KLF12: variants seen among roughly 807,000 people sequenced by gnomAD.
KLF12 encodes the protein Krueppel-like factor 12.
In KLF12, 9 loss-of-function variants were observed where a neutral mutation model predicts 37.8. The observed-to-expected ratio is 0.24, with a 90% CI of 0.14 to 0.42. KLF12 has a LOEUF of 0.42. Ranked by LOEUF, KLF12 falls within the 10% of genes least tolerant of loss-of-function variation. The pLI is 1.00. For missense variants in KLF12, 411 were observed against 516.0 expected (o/e 0.80, Z 1.97); for synonymous variants, 208 against 202.1 (o/e 1.03, Z -0.25).
rs780558960 is a variant in KLF12, at chr13:74,065,841, T to C, written c.-32+67898A>G. Among the ~76,000 whole-genome samples the C allele has an allele frequency of 3.8e-4, 58 of 152,008 alleles. 1 individual carries two copies. Among genetic ancestry groups the C allele is most frequent in the Admixed American group, 6.5e-5 (1 of 15,274 alleles). ...GAACGATCTCTCTAGACATGTGACATGAGGATTCTAACTGGAGTTAGAATC... is the reference window on the plus strand; with the variant it reads ...GAACGATCTCTCTAGACATGTGACACGAGGATTCTAACTGGAGTTAGAATC... On this transcript the variant is annotated intron_variant, in intron 1 of 7. Coordinates refer to ENST00000377669, the MANE Select transcript of KLF12 (RefSeq NM_007249.5).
At chr13:74,131,028 G>C (rs1200189824) in intron 1 of KLF12, among the ~76,000 whole-genome samples, 1 of 152,130 alleles carries the variant, frequency 6.6e-6, no homozygotes, top group African/African-American at 2.4e-5. Flanking sequence ...GCCTTCACTG[G>C]GTAAGGTTAC....
chr13:74,271,766 T>TG, the KLF12 span, among the ~76,000 whole-genome samples: 2 of 152,166 alleles, frequency 1.3e-5, no homozygotes, highest in African/African-American at 4.8e-5. Context: ...AAGTCAGGTA[T>TG]GGTATACACA....
At chr13:73,764,539 C>T (rs1024312167) in intron 6 of KLF12, among the ~76,000 whole-genome samples, 11 of 151,566 alleles carry the variant, frequency 7.3e-5, no homozygotes, top group Admixed American at 2.6e-4. Flanking sequence ...TCACTGAGTT[C>T]GTTGTAATCC....
At chr13:73,781,811 C>T (rs1880984260) in intron 5 of KLF12, among the ~76,000 whole-genome samples, 1 of 151,748 alleles carries the variant, frequency 6.6e-6, no homozygotes, top group South Asian at 2.1e-4. Context: ...CTGCCTATTA[C>T]CAAGCAGTAA....
intron 1 of KLF12, among the ~76,000 whole-genome samples, chr13:74,037,336 G>A (rs1032957033): frequency 6.6e-6 from 1 of 151,374 alleles, no homozygotes; most frequent in African/African-American, 2.4e-5. Context: ...ATGGATCACT[G>A]TATCTGCAAC....
chr13:73,962,335 A>G (rs1392060743), intron 2 of KLF12, among the ~76,000 whole-genome samples: 2 of 152,232 alleles, frequency 1.3e-5, no homozygotes, highest in Non-Finnish European at 2.9e-5. Context: ...AAGGGGAAGG[A>G]AAAGATAAAC....
the KLF12 span, among the ~76,000 whole-genome samples, chr13:74,198,648 T>C: frequency 1.3e-5 from 2 of 152,230 alleles, no homozygotes; most frequent in African/African-American, 2.4e-5. Flanking sequence ...TTGTTTCTAG[T>C]ATTTTTTATT....
At chr13:73,960,619 T>C (rs1359976790) in intron 2 of KLF12, among the ~76,000 whole-genome samples, 1 of 152,160 alleles carries the variant, frequency 6.6e-6, no homozygotes, top group Non-Finnish European at 1.5e-5. Flanking sequence ...CACTGTCCCA[T>C]ATATACTCAT....
chr13:73,767,451 C>A (rs1307494264), intron 5 of KLF12, among the ~76,000 whole-genome samples: 1 of 152,156 alleles, frequency 6.6e-6, no homozygotes, highest in African/African-American at 2.4e-5. Context: ...GGGGTTCAGG[C>A]CTTAGTACTA....
At chr13:74,083,753 C>T (rs974962571) in intron 1 of KLF12, among the ~76,000 whole-genome samples, 1 of 152,030 alleles carries the variant, frequency 6.6e-6, no homozygotes. Context: ...ATAGGTTCAA[C>T]GGTTTGTATA....
intron 3 of KLF12, among the ~76,000 whole-genome samples, chr13:73,868,590 C>T (rs1474060862): frequency 2.0e-5 from 3 of 151,950 alleles, no homozygotes; most frequent in Admixed American, 6.6e-5. Flanking sequence ...GGGGTTTCAC[C>T]ATATTGGCCA....
the KLF12 span, among the ~76,000 whole-genome samples, chr13:74,290,434 A>G: frequency 3.3e-5 from 5 of 152,240 alleles, no homozygotes; most frequent in South Asian, 1.0e-3. Context: ...AGAGCACATC[A>G]CCTTCAGGGA....
intron 3 of KLF12, among the ~76,000 whole-genome samples, chr13:73,847,979 T>C (rs1019177491): frequency 6.6e-6 from 1 of 152,204 alleles, no homozygotes; most frequent in African/African-American, 2.4e-5. Flanking sequence ...TATACCCACA[T>C]AGAAATTCTT....
intron 1 of KLF12, among the ~76,000 whole-genome samples, chr13:74,021,462 G>T (rs543513903): frequency 6.6e-6 from 1 of 152,236 alleles, no homozygotes; most frequent in African/African-American, 2.4e-5. Flanking sequence ...TGACGCAGGG[G>T]ATTCTGTAAA....
intron 3 of KLF12, among the ~76,000 whole-genome samples, chr13:73,867,323 A>G (rs1269925796): frequency 2.0e-5 from 3 of 152,056 alleles, no homozygotes; most frequent in Non-Finnish European, 4.4e-5. Flanking sequence ...AAGCTAGAAT[A>G]ATTACTAGAA....
rs74098406 is a variant in KLF12, at chr13:73,802,071, A to G, written c.806+11081T>C. 1.9e-3 allele frequency: 295 copies of G among 152,288 alleles called. 4 individuals are homozygous for G. The highest frequency in any genetic ancestry group is 6.6e-3 in the African/African-American group (275 of 41,578). The allele number at this position is 152,288 out of a possible 1,614,324, so 9.4% of individuals were successfully genotyped here. A position where few individuals can be genotyped will look rare whatever the true frequency, so the allele number is the denominator to read the frequency against. The stretch of plus-strand genomic sequence containing the variant: ...AAAAAAGTCTGTTTATACCTATATC[A>G]GAAGACATTCGATTTAGTTGGGGGG... On this transcript the variant is annotated intron_variant, in intron 5 of 7. Transcript: ENST00000377669.
intron 1 of KLF12, among the ~76,000 whole-genome samples, chr13:74,067,973 A>G (rs181285896): frequency 1.6e-4 from 25 of 152,328 alleles, no homozygotes; most frequent in Admixed American, 1.2e-3. Flanking sequence ...CCGCTTAACC[A>G]ACTGTCCAGA....
chr13:74,174,778 C>T, the KLF12 span, among the ~76,000 whole-genome samples: 1 of 152,212 alleles, frequency 6.6e-6, no homozygotes, highest in Non-Finnish European at 1.5e-5. Context: ...TAGTTTGTTA[C>T]TTTCAGCATC....
Position 73,845,823 on chromosome 13 carries a change from T to C in KLF12, c.670+4A>G, listed in dbSNP as rs1396044837. ...ATAAATCAAGGCTTGTTTATGTCTC[T>C]TACCTTTGCCATGGCCTCTCCCATC... On this transcript the variant is annotated splice_donor_region_variant and intron_variant, in intron 4 of 7. Coordinates refer to ENST00000377669, the MANE Select transcript of KLF12 (RefSeq NM_007249.5). The C allele has an allele frequency of 6.2e-7, 1 of 1,611,302 alleles. No individual in the cohort carries two copies.
Sources: gnomAD v4.1 joint callset for allele counts (sites outside exome capture counted in the v4.1 genomes callset) on GRCh38, gnomAD v4.1.1 for gene constraint, MANE v1.5 for transcripts, NCBI Gene and HGNC (gene_info 2026-07-23, HGNC 2026-07-21) for gene names.